The following DYNC2I1 variants were observed in gnomAD, a reference collection of about 807,000 sequenced individuals.
DYNC2I1 encodes dynein 2 intermediate chain 1, also known as cytoplasmic dynein 2 intermediate chain 1.
In DYNC2I1, 89 loss-of-function variants were observed where a neutral mutation model predicts 133.4. The ratio of observed to expected loss-of-function variants is 0.67; its 90% confidence interval spans 0.56 to 0.80. The LOEUF (loss-of-function observed/expected upper bound fraction) is 0.80. Among genes scored for constraint, DYNC2I1 ranks in the 30% least tolerant of loss-of-function variants. DYNC2I1 has a pLI of 0.00. For missense variants in DYNC2I1, 1,291 were observed against 1,314.5 expected (o/e 0.98, Z 0.28); for synonymous variants, 504 against 484.3 (o/e 1.04, Z -0.54).
intron 20 of DYNC2I1, among the ~76,000 whole-genome samples, chr7:158,928,990 A>G (rs1444451548): frequency 6.6e-6 from 1 of 152,238 alleles, no homozygotes; most frequent in African/African-American, 2.4e-5. Context: ...TTTTGCATAA[A>G]AAGTATTTGC....
At chr7:158,852,216 G>A (rs1248204225), upstream of DYNC2I1, among the ~76,000 whole-genome samples, 1 of 151,936 alleles carries the variant, frequency 6.6e-6, no homozygotes, top group Non-Finnish European at 1.5e-5. Flanking sequence ...CTGCCTCCTG[G>A]TTTCAAGCGA....
chr7:158,895,997 C>G (rs1242946838), intron 8 of DYNC2I1, among the ~76,000 whole-genome samples: 1 of 152,140 alleles, frequency 6.6e-6, no homozygotes, highest in African/African-American at 2.4e-5. Flanking sequence ...GCTGTAATTG[C>G]TTATTATTTC....
intron 5 of DYNC2I1, among the ~76,000 whole-genome samples, chr7:158,880,805 A>C (rs536410858): frequency 6.6e-6 from 1 of 152,114 alleles, no homozygotes; most frequent in Admixed American, 6.5e-5. Flanking sequence ...TTTTGTTCTC[A>C]TGAGTGTGCT....
chr7:158,910,059 G>A (rs1343181223), intron 11 of DYNC2I1, among the ~76,000 whole-genome samples: 1 of 152,230 alleles, frequency 6.6e-6, no homozygotes, highest in African/African-American at 2.4e-5. Context: ...AGCACCGGCT[G>A]TGTGGCGATA....
At chr7:158,915,657 G>T (rs1417089439) in intron 14 of DYNC2I1, among the ~76,000 whole-genome samples, 5 of 126,884 alleles carry the variant, frequency 3.9e-5, no homozygotes, top group African/African-American at 1.5e-4. Flanking sequence ...CGACACGGTG[G>T]TTGACATTAA....
At chr7:158,934,642 G>GTGGT in intron 23 of DYNC2I1, 93 bp downstream of exon 23, 1 of 1,333,880 alleles carries the variant, frequency 7.5e-7, no homozygotes, top group Non-Finnish European at 1.0e-6. Context: ...GTGCAGTGAT[G>GTGGT]TGGTCATAGC....
chr7:158,913,289 A>G (rs1377521015), intron 13 of DYNC2I1, among the ~76,000 whole-genome samples, 193 bp downstream of exon 13: 1 of 152,234 alleles, frequency 6.6e-6, no homozygotes, highest in African/African-American at 2.4e-5. Context: ...GCTGAACTAC[A>G]AGTGGGAGGA....
At chr7:158,881,117 C>T (rs918782098) in intron 5 of DYNC2I1, among the ~76,000 whole-genome samples, 4 of 152,344 alleles carry the variant, frequency 2.6e-5, no homozygotes, top group East Asian at 1.9e-4. Context: ...GAGAAGCAGT[C>T]GTGTTAGGAG....
chr7:158,942,941 A>G (rs1383116412), intron 24 of DYNC2I1, among the ~76,000 whole-genome samples: 1 of 152,192 alleles, frequency 6.6e-6, no homozygotes, highest in African/African-American at 2.4e-5. Flanking sequence ...AGTGTTCACG[A>G]AAGCTTTCGT....
chr7:158,917,766 T>C (rs71547589), intron 14 of DYNC2I1, among the ~76,000 whole-genome samples: 1 of 150,976 alleles, frequency 6.6e-6, no homozygotes, highest in Admixed American at 6.6e-5. Context: ...CCCGTTCCCA[T>C]CCTGTCATTT....
At chr7:158,853,254 C>G (rs1490582742), upstream of DYNC2I1, among the ~76,000 whole-genome samples, 4 of 152,210 alleles carry the variant, frequency 2.6e-5, no homozygotes, top group Admixed American at 6.5e-5. Context: ...GAATGGACCA[C>G]TCCTCCTTGG....
In DYNC2I1 at chr7:158,916,671, G is replaced by A. The variant is rs537455980; in HGVS notation, c.1792-2069G>A. 5.8e-3 allele frequency among the ~76,000 whole-genome samples: 431 copies of A among 74,434 alleles called. 129 individuals carry two copies. Among genetic ancestry groups the A allele is most frequent in the African/African-American group, 0.019 (397 of 21,182 alleles). 48.8% of individuals were successfully genotyped at this position (74,434 alleles called of 152,430 possible). A position where few individuals can be genotyped will look rare whatever the true frequency, so the allele number is the denominator to read the frequency against. On this transcript the variant is annotated intron_variant, in intron 14 of 24. Coordinates refer to ENST00000407559, the MANE Select transcript of DYNC2I1 (RefSeq NM_018051.5). ...ACATTTAGGGTGATTGTGAAACCTC[G>A]ACACGGTGGTTGAGATTAAGGATGA... is the stretch of plus-strand genomic sequence containing the variant.
chr7:158,866,209 C>T (rs796757416), intron 1 of DYNC2I1, among the ~76,000 whole-genome samples: 5 of 151,994 alleles, frequency 3.3e-5, no homozygotes, highest in Non-Finnish European at 5.9e-5. Context: ...CCTCAGCGTC[C>T]CCTGTGTGCA....
rs111577722 is a variant in DYNC2I1, at chr7:158,927,306, G to A, written c.2485+263G>A. On this transcript the variant is annotated intron_variant, in intron 20 of 24. Transcript: ENST00000407559. ...TAGTCCCAACTGCTTGGGAGGCTAA[G>A]GTGGGAGGATTGCTTGAGCCTAGGA... Among the ~76,000 whole-genome samples, 25,313 of 151,630 alleles carry A rather than the reference G, an allele frequency of 0.17. 2,632 individuals are homozygous for A. Among genetic ancestry groups the A allele is most frequent in the East Asian group, 0.45 (2,268 of 5,090 alleles).
chr7:158,874,055 G>A (rs753469212), intron 3 of DYNC2I1, among the ~76,000 whole-genome samples: 17 of 151,568 alleles, frequency 1.1e-4, no homozygotes, highest in African/African-American at 1.9e-4. Context: ...CACAGCGCCC[G>A]GCCAGCACCT....
chr7:158,886,887 C>A, intron 6 of DYNC2I1, 134 bp from the exon 7 acceptor site: 1 of 810,650 alleles, frequency 1.2e-6, no homozygotes, highest in South Asian at 1.8e-5. Context: ...AGGTGCAAGT[C>A]ATCGCTCCTG....
At chr7:158,871,613 GCTGGTGACAGGTTGATAGC>G in intron 3 of DYNC2I1, 51 bp downstream of exon 3, 1 of 1,339,302 alleles carries the variant, frequency 7.5e-7, no homozygotes, top group East Asian at 2.7e-5. Context: ...CCGCGTCGCT[GCTGGTGACAGGTTGATAGC>G]TCGCTGCCTC....
At chr7:158,923,845 G>C in intron 17 of DYNC2I1, 112 bp downstream of exon 17, 1 of 1,399,684 alleles carries the variant, frequency 7.1e-7, no homozygotes, top group Non-Finnish European at 9.5e-7. Context: ...CCAGAGGACG[G>C]GGTCTGACCC....
At chr7:158,915,734 T>C (rs1359275589) in intron 14 of DYNC2I1, among the ~76,000 whole-genome samples, 2 of 141,570 alleles carry the variant, frequency 1.4e-5, no homozygotes, top group Non-Finnish European at 1.6e-5. Flanking sequence ...GACACGCTGG[T>C]TGACATTAAG....
Sources: allele counts gnomAD v4.1 joint callset (sites outside exome capture counted in the v4.1 genomes callset), GRCh38; gene constraint gnomAD v4.1.1; transcripts MANE v1.5; gene names NCBI Gene and HGNC (gene_info 2026-07-23, HGNC 2026-07-21).